Variants in BEST3 observed in about 807,000 individuals in gnomAD.
BEST3 encodes bestrophin 3.
A neutral mutation model predicts 47.1 loss-of-function variants in BEST3; 50 were observed. The observed-to-expected ratio is 1.06, with a 90% CI of 0.85 to 1.34. The LOEUF is 1.34. BEST3 is among the 40% of genes most tolerant of loss of function. The pLI, the probability that BEST3 is intolerant of heterozygous loss-of-function variation, is 0.00. For synonymous variants in BEST3, 282 were observed against 298.8 expected, an observed-to-expected ratio of 0.94 and a Z score of 0.58; for missense variants, 765 against 817.0, an observed-to-expected ratio of 0.94 and a Z score of 0.78.
At chr12:69,653,442 T>A (rs1420971071), downstream of BEST3, among the ~76,000 whole-genome samples, 3 of 152,220 alleles carry the variant, frequency 2.0e-5, no homozygotes, top group East Asian at 5.8e-4. Context: ...TTGAGTCAGA[T>A]AAACCTGGGT....
At chr12:69,648,821 C>G (rs4761253), downstream of BEST3, among the ~76,000 whole-genome samples, 64,123 of 151,986 alleles carry the variant, frequency 0.42, 15,428 homozygotes, top group Middle Eastern at 0.58. Context: ...CTGACCCAAT[C>G]CTTTGTAACT....
At chr12:69,662,664 C>T (rs1883940391) in intron 9 of BEST3, among the ~76,000 whole-genome samples, 1 of 152,186 alleles carries the variant, frequency 6.6e-6, no homozygotes. Context: ...ATAAATTCCT[C>T]AACCCCTAGC....
rs1883337036 is a variant in BEST3 at position 69,654,537 on chromosome 12, T to C, written c.*370A>G. 1 of 1,001,926 alleles carries C rather than the reference T, an allele frequency of 1.0e-6. No individual in the cohort carries two copies. Among genetic ancestry groups the C allele is most frequent in the Admixed American group, 5.7e-5 (1 of 17,554 alleles). The allele number at this position is 1,001,926 out of a possible 1,614,324, so 62.1% of individuals were successfully genotyped here. Reference sequence around the variant, plus strand: ...AGAGAAATAGAGAACCCTGCGTGTCTGGGCCTTTGGGTCTAGGGGATTGGA... The same window carrying C: ...AGAGAAATAGAGAACCCTGCGTGTCCGGGCCTTTGGGTCTAGGGGATTGGA... On this transcript the variant is annotated 3_prime_UTR_variant, in exon 10 of 10. Coordinates refer to ENST00000330891, the MANE Select transcript of BEST3 (RefSeq NM_032735.3).
At chr12:69,699,135 GC>G in intron 1 of BEST3, 69 bp downstream of exon 1, 2 of 868,894 alleles carry the variant, frequency 2.3e-6, no homozygotes, top group Non-Finnish European at 2.8e-6. Context: ...TTCAAGCTCT[GC>G]CAGGAAAATG....
chr12:69,655,572 G>A lies in BEST3; in HGVS notation c.1342C>T (p.Pro448Ser). Reference protein sequence around the residue: ...VPSRNPPRASPTWKKSCFPEG... With the variant: ...VPSRNPPRASSTWKKSCFPEG... Reference sequence around the variant, plus strand: ...GGGAAGCAGGATTTCTTCCAGGTGGGTGAGGCCCTGGGGGGGTTTCTTGAG... The same window carrying A: ...GGGAAGCAGGATTTCTTCCAGGTGGATGAGGCCCTGGGGGGGTTTCTTGAG... The change falls in exon 10 of 10, where the codon CCC becomes TCC. Residue 448 changes from proline (P) to serine (S), a missense_variant. By Grantham distance (74) the Pro-to-Ser change is moderately conservative. Transcript: ENST00000330891. The A allele has an allele frequency of 6.2e-7, 1 of 1,614,094 alleles. No individual in the cohort carries two copies. The highest frequency in any genetic ancestry group is 1.1e-5 in the South Asian group (1 of 91,070).
downstream of BEST3, among the ~76,000 whole-genome samples, chr12:69,650,448 G>A (rs1883173606): frequency 6.6e-6 from 1 of 152,162 alleles, no homozygotes; most frequent in African/African-American, 2.4e-5. Flanking sequence ...GACAAAATGA[G>A]GAAATCCTTG....
intron 7 of BEST3, among the ~76,000 whole-genome samples, chr12:69,674,078 TGA>T (rs1235280623): frequency 6.6e-6 from 1 of 151,806 alleles, no homozygotes; most frequent in African/African-American, 2.4e-5. Flanking sequence ...TGTGTGTGCG[TGA>T]GAGAGAGAGA....
chr12:69,670,453 T>G (rs1357150169), intron 9 of BEST3: 1 of 702,866 alleles, frequency 1.4e-6, no homozygotes, highest in South Asian at 1.5e-5. Flanking sequence ...CTTTCAGTCT[T>G]CCTTTTCTTT....
chr12:69,676,113 A>C (rs1468378663), intron 7 of BEST3, among the ~76,000 whole-genome samples: 2 of 152,190 alleles, frequency 1.3e-5, no homozygotes, highest in African/African-American at 4.8e-5. Context: ...AGGGGAAGCA[A>C]GGAAAATTCT....
intron 2 of BEST3, among the ~76,000 whole-genome samples, chr12:69,695,678 T>G (rs1308862240): frequency 6.6e-6 from 1 of 152,234 alleles, no homozygotes. Flanking sequence ...AGCCAGATTT[T>G]AATTCCAAGT....
At chr12:69,673,422 A>AC (rs1884705144) in intron 7 of BEST3, among the ~76,000 whole-genome samples, 3 of 152,162 alleles carry the variant, frequency 2.0e-5, no homozygotes, top group Non-Finnish European at 2.9e-5. Flanking sequence ...ATAATATAAG[A>AC]GGCTTTCACA....
At chr12:69,672,282 C>G (rs549594723) in intron 8 of BEST3, among the ~76,000 whole-genome samples, 1 of 152,162 alleles carries the variant, frequency 6.6e-6, no homozygotes, top group African/African-American at 2.4e-5. Context: ...AATGTGAAGG[C>G]CTTCACAGGG....
intron 5 of BEST3, among the ~76,000 whole-genome samples, chr12:69,678,080 G>T (rs775496): frequency 0.85 from 129,928 of 152,032 alleles, 55,883 homozygotes; most frequent in Middle Eastern, 0.99. Flanking sequence ...AAGGACAGGA[G>T]TCTTTGATTT....
chr12:69,697,927 T>G, intron 1 of BEST3, 114 bp from the exon 2 acceptor site: 1 of 769,200 alleles, frequency 1.3e-6, no homozygotes. Context: ...GCCATATCTC[T>G]GTTTTGTCTT....
At chr12:69,694,738 G>C (rs1285169841) in intron 2 of BEST3, among the ~76,000 whole-genome samples, 2 of 152,056 alleles carry the variant, frequency 1.3e-5, no homozygotes, top group Non-Finnish European at 2.9e-5. Flanking sequence ...AGTTTTATAT[G>C]ATTGATTCAT....
intron 9 of BEST3, among the ~76,000 whole-genome samples, chr12:69,663,196 C>G (rs548440547): frequency 6.6e-6 from 1 of 152,172 alleles, no homozygotes; most frequent in Non-Finnish European, 1.5e-5. Context: ...TTTGAAGTGA[C>G]TTATGATGAT....
At position 69,655,348 on chromosome 12, in the gene BEST3, G is replaced by A. The variant is rs371930950; in HGVS notation, c.1566C>T (p.Ser522=). Residue 522 remains serine (S), a synonymous_variant, in exon 10 of 10, where the codon TCC becomes TCT. Transcript: ENST00000330891. ...ACTCAGAGCTCAAGATGGAGGTAGCGGAATCATGGTGGTAGCCCCCTGATG... is the reference window on the plus strand; with the variant it reads ...ACTCAGAGCTCAAGATGGAGGTAGCAGAATCATGGTGGTAGCCCCCTGATG... ...VPTSGGYHHD[S]ATSILSSEFT... 161 of 1,614,026 alleles carry A rather than the reference G, an allele frequency of 1.0e-4. No homozygotes were observed. The highest frequency in any genetic ancestry group is 2.2e-4 in the Admixed American group (13 of 60,004).
chr12:69,692,547 A>G (rs906601744), intron 4 of BEST3, among the ~76,000 whole-genome samples: 1 of 152,224 alleles, frequency 6.6e-6, no homozygotes, highest in South Asian at 2.1e-4. Context: ...GCCAGTTCCT[A>G]CCAGAATCTA....
In BEST3 at chr12:69,671,475, A is replaced by T; in HGVS notation, c.1053T>A (p.Ala351=). ...SAARPPYTLA[A]ADYCIPSFLG... ...GAAATGAGGGTATGCAGTAGTCAGC[A>T]GCTGCCAATGTGTATGGTGGGCGAG... is the stretch of plus-strand genomic sequence containing the variant. The change falls in exon 9 of 10, where the codon GCT becomes GCA. Residue 351 remains alanine (A), a synonymous_variant. Coordinates refer to ENST00000330891, the MANE Select transcript of BEST3 (RefSeq NM_032735.3). The T allele has an allele frequency of 6.2e-7, 1 of 1,614,146 alleles. No homozygotes were observed. The highest frequency in any genetic ancestry group is 8.5e-7 in the Non-Finnish European group (1 of 1,179,992).
Sources: allele counts gnomAD v4.1 joint callset (sites outside exome capture counted in the v4.1 genomes callset), GRCh38; gene constraint gnomAD v4.1.1; transcripts MANE v1.5; gene names NCBI Gene and HGNC (gene_info 2026-07-23, HGNC 2026-07-21).